The following TRRAP variants were observed in gnomAD, a reference collection of about 807,000 sequenced individuals.
TRRAP encodes the protein transformation/transcription domain associated protein, also known as transformation/transcription domain-associated protein.
TRRAP carries 41 observed loss-of-function variants against 438.8 expected under a neutral mutation model. The ratio of observed to expected loss-of-function variants is 0.09; its 90% CI spans 0.07 to 0.12. The LOEUF is 0.12. Among genes scored for constraint, TRRAP ranks in the 10% least tolerant of loss-of-function variants. The pLI is 1.00. For missense variants in TRRAP, 3,122 were observed against 5,055.1 expected (o/e 0.62, Z 11.60); for synonymous variants, 1,994 against 1,962.9 (o/e 1.02, Z -0.42).
Position 99,005,696 on chromosome 7 carries a change from T to C in TRRAP, c.10753+348T>C, listed in dbSNP as rs1794131994. On this transcript the variant is annotated intron_variant, in intron 69 of 72. Transcript: ENST00000456197. The surrounding 1 kb of genome is among the most constrained non-coding windows in gnomAD (Gnocchi z 5.1). The stretch of plus-strand genomic sequence containing the variant: ...AGATTTCTTTTTCTTTTTTTTTTTC[T>C]TTTTTAGCTCATCACCTGTCGTGTC... Among the ~76,000 whole-genome samples, 1 of 152,114 alleles carries C rather than the reference T, an allele frequency of 6.6e-6. No homozygotes were observed.
rs1198424085 is a variant in TRRAP, at chr7:99,012,392, C to T, written c.*37C>T. The T allele has an allele frequency of 5.8e-6, 9 of 1,544,316 alleles. No individual in the cohort carries two copies. Among genetic ancestry groups the T allele is most frequent in the Non-Finnish European group, 7.9e-6 (9 of 1,141,462 alleles). On this transcript the variant is annotated 3_prime_UTR_variant, in exon 73 of 73. Coordinates refer to ENST00000456197, the MANE Select transcript of TRRAP (RefSeq NM_001375524.1). The surrounding 1 kb of genome is among the most constrained non-coding windows in gnomAD (Gnocchi z 5.9). The stretch of plus-strand genomic sequence containing the variant: ...ACGGCCACCCGGAATGTGAAGGGCG[C>T]TCCGGGCTCTGAGCCCGCAGCTTTT...
Position 98,883,520 on chromosome 7 carries a change from T to C in TRRAP, c.150+1496T>C, listed in dbSNP as rs78701778. 5.5e-3 allele frequency among the ~76,000 whole-genome samples: 842 copies of C among 152,348 alleles called. 5 individuals carry two copies. The highest frequency in any genetic ancestry group is 0.019 in the African/African-American group (798 of 41,582). On this transcript the variant is annotated intron_variant, in intron 3 of 72. Transcript: ENST00000456197. ...CATGTTATCCTGTTTCTTTGTCTAGTAATTTATATATTTGGAGACAAGGTC... is the reference window on the plus strand; with the variant it reads ...CATGTTATCCTGTTTCTTTGTCTAGCAATTTATATATTTGGAGACAAGGTC...
chr7:98,880,198 C>G (rs1447572316), intron 1 of TRRAP, among the ~76,000 whole-genome samples: 1 of 151,850 alleles, frequency 6.6e-6, no homozygotes, highest in Non-Finnish European at 1.5e-5. Flanking sequence ...GTTTGGAAAC[C>G]AGTCACACGT....
chr7:98,975,863 G>A (rs1792632124), intron 53 of TRRAP: 1 of 319,904 alleles, frequency 3.1e-6, no homozygotes. Flanking sequence ...TGGATATGGT[G>A]GGATCAGTAG....
intron 30 of TRRAP, among the ~76,000 whole-genome samples, chr7:98,941,339 C>T (rs1554415539): frequency 6.6e-6 from 1 of 152,090 alleles, no homozygotes; most frequent in Non-Finnish European, 1.5e-5. Context: ...CCGTGCCCGG[C>T]TAGTTTTTGC....
At chr7:98,970,000 T>A in intron 51 of TRRAP, 112 bp from the exon 52 acceptor site, 5 of 1,316,504 alleles carry the variant, frequency 3.8e-6, no homozygotes, top group Non-Finnish European at 5.3e-6. Context: ...AGCTCATACT[T>A]GGACCTGCAG....
chr7:98,948,072 A>T lies in TRRAP; in HGVS notation c.4549-149A>T. On this transcript the variant is annotated intron_variant, in intron 33 of 72. Transcript: ENST00000456197. The surrounding 1 kb of genome is among the most constrained non-coding windows in gnomAD (Gnocchi z 4.9). Reference sequence around the variant, plus strand: ...CACAGCACAGTTAGAACCTAAGGCTAGTAAGTTGTGGCTTTTACATGTGAA... The same window carrying T: ...CACAGCACAGTTAGAACCTAAGGCTTGTAAGTTGTGGCTTTTACATGTGAA... 9.1e-7 allele frequency: 1 copy of T among 1,104,880 alleles called. No homozygotes were observed. Among genetic ancestry groups the T allele is most frequent in the Non-Finnish European group, 1.3e-6 (1 of 768,354 alleles). The allele number at this position is 1,104,880 out of a possible 1,614,324, so 68.4% of individuals were successfully genotyped here.
chr7:98,916,093 G>A (rs1789509169), intron 19 of TRRAP, among the ~76,000 whole-genome samples: 1 of 151,444 alleles, frequency 6.6e-6, no homozygotes. Context: ...CTTCAGGGAT[G>A]GGCCCTTCCC....
intron 1 of TRRAP, among the ~76,000 whole-genome samples, chr7:98,880,344 A>G (rs1795372467): frequency 1.3e-5 from 2 of 149,892 alleles, no homozygotes; most frequent in African/African-American, 4.9e-5. Flanking sequence ...GCTCACTGCA[A>G]TCTCCACCTC....
At position 98,988,933 on chromosome 7, in the gene TRRAP, G is replaced by A. The variant is rs1331693303; in HGVS notation, c.9558G>A (p.Gln3186=). 1 of 1,614,044 alleles carries A rather than the reference G, an allele frequency of 6.2e-7. No individual in the cohort carries two copies. Among genetic ancestry groups the A allele is most frequent in the South Asian group, 1.1e-5 (1 of 91,062 alleles). Residue 3186 remains glutamine, a synonymous_variant, in exon 63 of 73, where the codon CAG becomes CAA. Coordinates refer to ENST00000456197, the MANE Select transcript of TRRAP (RefSeq NM_001375524.1). The part of the protein sequence containing the change: ...ITCYLHACRH[Q]NESKSRKYLA... ...GCTACCTGCACGCCTGCCGGCATCAGAACGAGAGCAAATCGAGGAAATACT... is the reference window on the plus strand; with the variant it reads ...GCTACCTGCACGCCTGCCGGCATCAAAACGAGAGCAAATCGAGGAAATACT...
chr7:98,983,515 G>A (rs781614763), intron 60 of TRRAP, 56 bp downstream of exon 60: 2 of 1,594,698 alleles, frequency 1.3e-6, no homozygotes, highest in Non-Finnish European at 1.7e-6. Context: ...ACGCCCCACG[G>A]TTCTGGTTTC....
At chr7:98,992,668 TCA>T (rs1304701533) in intron 65 of TRRAP, among the ~76,000 whole-genome samples, 1 of 152,138 alleles carries the variant, frequency 6.6e-6, no homozygotes, top group East Asian at 1.9e-4. Flanking sequence ...GAAATTTCAC[TCA>T]CAGTGTAAGA....
At position 98,911,058 on chromosome 7, in the gene TRRAP, CT is replaced by C; in HGVS notation, c.1813-13del. 1.9e-6 allele frequency: 3 copies of C among 1,607,032 alleles called. No individual in the cohort carries two copies. Among genetic ancestry groups the C allele is most frequent in the South Asian group, 1.1e-5 (1 of 89,882 alleles). On this transcript the variant is annotated intron_variant, in intron 16 of 72. Transcript: ENST00000456197. ...GTTCAGTTTTAATGCCTGTGGGCGG[CT>C]TTTTTCCCCTGTATTAGGTCCAGAT... is the stretch of plus-strand genomic sequence containing the variant.
In TRRAP at chr7:98,981,815, A is replaced by T. The variant is rs1188197246; in HGVS notation, c.8681A>T (p.Tyr2894Phe). The change falls in exon 59 of 73, where the codon TAC becomes TTC. Residue 2894 changes from tyrosine to phenylalanine, a missense_variant. Around this residue, in one of 24 missense-constraint regions of TRRAP, gnomAD observed 992 missense variants for 1,281.2 expected, o/e 0.77. Coordinates refer to ENST00000456197, the MANE Select transcript of TRRAP (RefSeq NM_001375524.1). ...GAGATGGCCTGGAAGGTGAACATGT[A>T]CCGCGGATACCTGGCCATCTGCCAC... is the stretch of plus-strand genomic sequence containing the variant. ...PKEMAWKVNM[Y>F]RGYLAICHPE... 1 of 1,605,058 alleles carries T rather than the reference A, an allele frequency of 6.2e-7. No individual in the cohort carries two copies.
intron 67 of TRRAP, among the ~76,000 whole-genome samples, chr7:99,003,110 C>T (rs943801528): frequency 2.0e-5 from 3 of 152,110 alleles, no homozygotes; most frequent in African/African-American, 7.2e-5. Context: ...CCCCCAGGGC[C>T]CCTGCTTTGC....
chr7:98,885,045 A>G (rs1332522385), intron 3 of TRRAP, among the ~76,000 whole-genome samples: 1 of 152,158 alleles, frequency 6.6e-6, no homozygotes, highest in Non-Finnish European at 1.5e-5. Context: ...TGTCTCACAT[A>G]TAAGCATGAA....
rs34480817 is a variant in TRRAP at position 98,930,065 on chromosome 7, G to A, written c.3252G>A (p.Ser1084=). ...TAMFHSEENG[S]KGMDPLVLID... is the part of the protein sequence containing the mutation. ...TGTTTCACAGTGAAGAAAATGGCTC[G>A]AAAGGAATGGATCCTTTGGTTCTCA... The change falls in exon 24 of 73, where the codon TCG becomes TCA. Residue 1084 remains serine, a synonymous_variant. Coordinates refer to ENST00000456197, the MANE Select transcript of TRRAP (RefSeq NM_001375524.1). The A allele has an allele frequency of 6.2e-3, 9,989 of 1,614,148 alleles. 455 individuals are homozygous for A. In the African/African-American group the frequency reaches 0.11, roughly 18 times the overall value.
rs1554419800 is a variant in TRRAP, at chr7:98,956,400, C to G, written c.6098C>G (p.Pro2033Arg). The change falls in exon 43 of 73, where the codon CCG (proline) becomes CGG (arginine). Residue 2033 changes from proline to arginine, a missense_variant and splice_region_variant. This residue lies in a region of TRRAP where 992 missense variants were observed against 1,281.2 expected (regional missense o/e 0.77). Coordinates refer to ENST00000456197, the MANE Select transcript of TRRAP (RefSeq NM_001375524.1). This position sits in a 1 kb window ranked among gnomAD's most constrained non-coding sequence, Gnocchi z 4.5. ...ACCAAGCGCCTGTGTGTTTTTAAGC[C>G]GGATTCAGATATGGACCCAAATTCC... Reference protein sequence around the residue: ...WELQRIKDQQPDSDMDPNSSG... With the variant: ...WELQRIKDQQRDSDMDPNSSG... 6.2e-7 allele frequency: 1 copy of G among 1,613,652 alleles called. No homozygotes were observed. The highest frequency in any genetic ancestry group is 1.3e-5 in the African/African-American group (1 of 74,984).
chr7:98,941,709 G>T (rs1451933552), intron 30 of TRRAP, among the ~76,000 whole-genome samples: 1 of 152,148 alleles, frequency 6.6e-6, no homozygotes, highest in African/African-American at 2.4e-5. Context: ...TTGGTAAAAT[G>T]TTGAGTGCTT....
Sources: allele counts gnomAD v4.1 joint callset (sites outside exome capture counted in the v4.1 genomes callset), GRCh38; gene constraint gnomAD v4.1.1; regional missense constraint gnomAD v4.1.1; non-coding constraint Gnocchi (gnomAD v3.1); transcripts MANE v1.5; gene names NCBI Gene and HGNC (gene_info 2026-07-23, HGNC 2026-07-21).